The following SPON1 variants were observed in gnomAD, a reference collection of about 807,000 sequenced individuals.
SPON1 encodes spondin-1.
Under a neutral mutation model 111.7 loss-of-function variants are expected in SPON1, and 52 were observed. That is an observed-to-expected ratio of 0.47 (90% confidence interval 0.37 to 0.59). The LOEUF (loss-of-function observed/expected upper bound fraction) is 0.59. Ranked by LOEUF, SPON1 falls within the 20% of genes least tolerant of loss-of-function variation. The pLI is 0.00. For synonymous variants in SPON1, 410 were observed against 395.8 expected (o/e 1.04, Z -0.43); for missense variants, 957 against 1,068.5 (o/e 0.90, Z 1.46).
chr11:14,220,364 T>C (rs1366041735), intron 6 of SPON1, among the ~76,000 whole-genome samples: 1 of 152,158 alleles, frequency 6.6e-6, no homozygotes, highest in Non-Finnish European at 1.5e-5. Context: ...TGTGAGAAGG[T>C]GATTTTTCTT....
chr11:14,074,776 T>A (rs1460983295), intron 3 of SPON1, among the ~76,000 whole-genome samples: 2 of 152,208 alleles, frequency 1.3e-5, no homozygotes, highest in African/African-American at 4.8e-5. Context: ...AATTCTAAGA[T>A]CCTGCATTTG....
chr11:14,053,598 G>A (rs1848723554), intron 3 of SPON1, among the ~76,000 whole-genome samples: 1 of 152,184 alleles, frequency 6.6e-6, no homozygotes. Flanking sequence ...TTGGGCAACA[G>A]TGAAAAAGTA....
intron 6 of SPON1, among the ~76,000 whole-genome samples, chr11:14,145,271 T>C (rs1330666290): frequency 1.3e-5 from 2 of 152,240 alleles, no homozygotes; most frequent in Non-Finnish European, 2.9e-5. Flanking sequence ...GGTATAGAGC[T>C]GGCCTCTTAG....
rs369909562 is a variant in SPON1 at position 14,005,847 on chromosome 11, A to G, written c.345+22894A>G. On this transcript the variant is annotated intron_variant, in intron 2 of 15. Coordinates refer to ENST00000576479, the MANE Select transcript of SPON1 (RefSeq NM_006108.4). ...GTTGAAAGTTCAACTCTAGAGCCTG[A>G]GAGACCTGGGTTCAAATCCTGAATC... is the stretch of plus-strand genomic sequence containing the variant. Among the ~76,000 whole-genome samples, 23 of 152,334 alleles carry G rather than the reference A, an allele frequency of 1.5e-4. No individual in the cohort carries two copies. In the South Asian group the frequency reaches 1.9e-3, roughly 12 times the overall value.
chr11:14,207,730 G>A (rs1291611974), intron 6 of SPON1, among the ~76,000 whole-genome samples: 1 of 150,404 alleles, frequency 6.6e-6, no homozygotes, highest in African/African-American at 2.4e-5. Context: ...TGGCAAGGTT[G>A]TGGGACGCTT....
At chr11:13,984,049 C>T (rs920855743) in intron 2 of SPON1, among the ~76,000 whole-genome samples, 1 of 152,144 alleles carries the variant, frequency 6.6e-6, no homozygotes, top group African/African-American at 2.4e-5. Context: ...TAATGTCCTT[C>T]TATGGCAAAG....
rs1251380168 is a variant in SPON1, at chr11:14,259,265, C to A, written c.1493-15C>A. The A allele has an allele frequency of 8.1e-6, 13 of 1,602,192 alleles. No homozygotes were observed. Among genetic ancestry groups the A allele is most frequent in the Non-Finnish European group, 1.1e-5 (13 of 1,174,258 alleles). ...CCACCGTGCACTGCTGCAGCGTTCA[C>A]TCGGTGTGTTGCAGACGGCTCCACC... On this transcript the variant is annotated splice_polypyrimidine_tract_variant and intron_variant, in intron 11 of 15. Coordinates refer to ENST00000576479, the MANE Select transcript of SPON1 (RefSeq NM_006108.4). The surrounding 1 kb of genome is among the most constrained non-coding windows in gnomAD (Gnocchi z 5.0).
chr11:14,108,880 C>G (rs1554925157), intron 5 of SPON1, among the ~76,000 whole-genome samples: 1 of 152,084 alleles, frequency 6.6e-6, no homozygotes, highest in East Asian at 1.9e-4. Flanking sequence ...CCACCCAACC[C>G]CCAGGAGCAC....
chr11:14,251,955 C>T (rs1849058078), intron 7 of SPON1, among the ~76,000 whole-genome samples: 1 of 152,228 alleles, frequency 6.6e-6, no homozygotes, highest in Non-Finnish European at 1.5e-5. Context: ...CATTGCAATA[C>T]TTTAGCAGTT....
intron 5 of SPON1, among the ~76,000 whole-genome samples, chr11:14,084,933 C>T (rs1429064225): frequency 6.6e-6 from 1 of 152,058 alleles, no homozygotes; most frequent in African/African-American, 2.4e-5. Flanking sequence ...GTTTGTTGGC[C>T]ACATAAATGT....
intron 3 of SPON1, among the ~76,000 whole-genome samples, chr11:14,070,853 A>AT (rs1321009733): frequency 1.3e-5 from 2 of 152,154 alleles, no homozygotes; most frequent in East Asian, 3.9e-4. Context: ...CACCTAAGAG[A>AT]TTCAGGATGG....
chr11:14,183,790 T>C (rs1185616376), intron 6 of SPON1, among the ~76,000 whole-genome samples: 1 of 152,062 alleles, frequency 6.6e-6, no homozygotes, highest in Non-Finnish European at 1.5e-5. Flanking sequence ...TCTAAAGATA[T>C]GGTCTTCCCC....
intron 1 of SPON1, among the ~76,000 whole-genome samples, chr11:13,970,326 C>T (rs1848052864): frequency 6.6e-6 from 1 of 152,148 alleles, no homozygotes; most frequent in Admixed American, 6.5e-5. Flanking sequence ...TCATAAATTC[C>T]ATGAAATGTT....
chr11:14,189,315 T>C (rs1457967638), intron 6 of SPON1, among the ~76,000 whole-genome samples: 1 of 152,222 alleles, frequency 6.6e-6, no homozygotes, highest in Non-Finnish European at 1.5e-5. Flanking sequence ...ATTCTTTTCT[T>C]CGATTCATCA....
intron 6 of SPON1, among the ~76,000 whole-genome samples, chr11:14,151,280 G>C (rs1339275512): frequency 6.6e-6 from 1 of 152,112 alleles, no homozygotes; most frequent in Non-Finnish European, 1.5e-5. Flanking sequence ...GTCCTCCATA[G>C]AAACCAAAGC....
At chr11:14,221,943 GT>G (rs1554937644) in intron 6 of SPON1, among the ~76,000 whole-genome samples, 1 of 152,196 alleles carries the variant, frequency 6.6e-6, no homozygotes, top group Non-Finnish European at 1.5e-5. Context: ...CAGTGAAGAT[GT>G]TGGCCCTGGG....
intron 6 of SPON1, among the ~76,000 whole-genome samples, chr11:14,238,888 G>A (rs571077521): frequency 3.9e-5 from 6 of 152,336 alleles, no homozygotes; most frequent in East Asian, 1.9e-4. Context: ...AACCATGAAC[G>A]ATGGATGCCC....
chr11:14,148,724 A>G (rs1412695809), intron 6 of SPON1, among the ~76,000 whole-genome samples: 1 of 152,220 alleles, frequency 6.6e-6, no homozygotes, highest in Non-Finnish European at 1.5e-5. Flanking sequence ...CTGCTAAAAG[A>G]GAAGAGACAT....
At chr11:14,095,996 T>C (rs1849098004) in intron 5 of SPON1, among the ~76,000 whole-genome samples, 1 of 152,196 alleles carries the variant, frequency 6.6e-6, no homozygotes, top group Admixed American at 6.5e-5. Flanking sequence ...ACAGGAGACA[T>C]TGCTGCTGCC....
Sources: gnomAD v4.1 joint callset for allele counts (sites outside exome capture counted in the v4.1 genomes callset) on GRCh38, gnomAD v4.1.1 for gene constraint, Gnocchi (gnomAD v3.1) non-coding constraint, MANE v1.5 for transcripts, NCBI Gene and HGNC (gene_info 2026-07-23, HGNC 2026-07-21) for gene names.